The following HECW2 variants were observed in gnomAD, a reference collection of about 807,000 sequenced individuals.
HECW2 encodes the protein HECT, C2 and WW domain containing E3 ubiquitin protein ligase 2.
In HECW2, 61 loss-of-function variants were observed where a neutral mutation model predicts 175.2. That is an observed-to-expected ratio of 0.35 (90% CI 0.28 to 0.43). The LOEUF is 0.43. Among genes scored for constraint, HECW2 ranks in the 20% least tolerant of loss-of-function variants. HECW2 has a pLI of 1.00. For missense variants in HECW2, 1,524 were observed against 2,000.5 expected, an observed-to-expected ratio of 0.76 and a Z score of 4.54; for synonymous variants, 671 against 731.0, an observed-to-expected ratio of 0.92 and a Z score of 1.32.
intron 1 of HECW2, among the ~76,000 whole-genome samples, chr2:196,505,286 C>A (rs571058282): frequency 6.6e-6 from 1 of 152,210 alleles, no homozygotes; most frequent in Admixed American, 6.5e-5. Flanking sequence ...CGCTTGTAAT[C>A]CCAGCACTTT....
chr2:196,326,476 G>A (rs1037243025), intron 5 of HECW2, among the ~76,000 whole-genome samples: 4 of 149,850 alleles, frequency 2.7e-5, no homozygotes, highest in African/African-American at 7.4e-5. Context: ...ACAGAGTCTC[G>A]TTGTGTCGCC....
Position 196,319,410 on chromosome 2 carries a change from C to T in HECW2, c.1480G>A (p.Ala494Thr), listed in dbSNP as rs760615189. The stretch of plus-strand genomic sequence containing the variant: ...AGGCTTCCATCATCAGCTCTGGATG[C>T]CCTGCTAAACATGATCAGGCCTCCC... ...EEGGLIMFSR[A>T]SRADDGSLTS... The change falls in exon 9 of 29, where the codon GCA (alanine) becomes ACA (threonine). Residue 494 changes from alanine (A) to threonine (T), a missense_variant. Coordinates refer to ENST00000644978, the MANE Select transcript of HECW2 (RefSeq NM_001348768.2). The T allele has an allele frequency of 1.6e-5, 26 of 1,613,756 alleles. No homozygotes were observed. Among genetic ancestry groups the T allele is most frequent in the Non-Finnish European group, 2.1e-5 (25 of 1,179,864 alleles).
At chr2:196,265,050 G>T (rs1015345381) in intron 17 of HECW2, among the ~76,000 whole-genome samples, 1 of 152,222 alleles carries the variant, frequency 6.6e-6, no homozygotes, top group Non-Finnish European at 1.5e-5. Context: ...CCTTGAGCCA[G>T]AAGGCTCAGT....
chr2:196,354,862 A>G (rs1003186127), intron 2 of HECW2, among the ~76,000 whole-genome samples: 6 of 152,212 alleles, frequency 3.9e-5, no homozygotes, highest in African/African-American at 1.4e-4. Flanking sequence ...CAAAGCACAA[A>G]AAAGATTAAG....
chr2:196,461,684 A>G (rs1696750570), intron 1 of HECW2, among the ~76,000 whole-genome samples: 1 of 152,118 alleles, frequency 6.6e-6, no homozygotes, highest in African/African-American at 2.4e-5. Context: ...GAAGCAAGGC[A>G]CCTTCTTCAC....
chr2:196,418,895 C>G (rs1325808075), intron 2 of HECW2, among the ~76,000 whole-genome samples: 2 of 152,112 alleles, frequency 1.3e-5, no homozygotes, highest in Non-Finnish European at 2.9e-5. Context: ...CATTGTTAAA[C>G]AAACAGATGA....
At chr2:196,382,047 T>G (rs1176751187) in intron 2 of HECW2, among the ~76,000 whole-genome samples, 1 of 152,150 alleles carries the variant, frequency 6.6e-6, no homozygotes, top group African/African-American at 2.4e-5. Context: ...TGGGACTCTT[T>G]CTATGTTCTG....
chr2:196,578,910 T>C (rs573064627), intron 1 of HECW2, among the ~76,000 whole-genome samples: 6 of 150,928 alleles, frequency 4.0e-5, no homozygotes, highest in Non-Finnish European at 5.9e-5. Context: ...CACACAGAAA[T>C]AGAGTATTGG....
chr2:196,537,894 C>T (rs1351295397), intron 1 of HECW2, among the ~76,000 whole-genome samples: 1 of 152,144 alleles, frequency 6.6e-6, no homozygotes, highest in Non-Finnish European at 1.5e-5. Context: ...CCCATATATA[C>T]CAGCATTGTA....
intron 28 of HECW2, among the ~76,000 whole-genome samples, chr2:196,212,477 A>G (rs534153805): frequency 6.6e-5 from 10 of 152,254 alleles, no homozygotes; most frequent in African/African-American, 2.2e-4. Context: ...TTAGTTTGCT[A>G]AGGATAATGG....
chr2:196,406,318 A>C (rs1302960081), intron 2 of HECW2, among the ~76,000 whole-genome samples: 1 of 152,166 alleles, frequency 6.6e-6, no homozygotes, highest in Non-Finnish European at 1.5e-5. Flanking sequence ...CTGGCCAACA[A>C]TCAAGGAACC....
intron 1 of HECW2, among the ~76,000 whole-genome samples, chr2:196,519,966 A>C (rs542904437): frequency 6.6e-6 from 1 of 152,338 alleles, no homozygotes; most frequent in South Asian, 2.1e-4. Flanking sequence ...TATTAGAGAT[A>C]AGTTTTCATT....
Position 196,487,962 on chromosome 2 carries a change from G to A in HECW2, c.-35-54504C>T, listed in dbSNP as rs145238537. ...AACAAACCTTAGTTAAAAATAACAA[G>A]AATAAAGCAAAGCTCTAGAACTACA... On this transcript the variant is annotated intron_variant, in intron 1 of 28. Coordinates refer to ENST00000644978, the MANE Select transcript of HECW2 (RefSeq NM_001348768.2). Among the ~76,000 whole-genome samples, 402 of 152,226 alleles carry A rather than the reference G, an allele frequency of 2.6e-3. 3 individuals are homozygous for A. Among genetic ancestry groups the A allele is most frequent in the African/African-American group, 9.1e-3 (380 of 41,550 alleles).
chr2:196,220,911 C>T lies in HECW2; in HGVS notation c.4177G>A (p.Ala1393Thr). ...TTCTTCTCTGTAACTGGGATATTGG[C>T]ACCCCCTGGCTTTAATTCTCGTTCA... ...ITERELKPGG[A>T]NIPVTEKNKK... Residue 1393 changes from alanine (A) to threonine (T), a missense_variant, in exon 25 of 29, where the codon GCC (alanine) becomes ACC (threonine). Around this residue, in one of 11 missense-constraint regions of HECW2, gnomAD observed 134 missense variants for 287.8 expected, o/e 0.47. Coordinates refer to ENST00000644978, the MANE Select transcript of HECW2 (RefSeq NM_001348768.2). 1 of 1,614,082 alleles carries T rather than the reference C, an allele frequency of 6.2e-7. No individual in the cohort carries two copies. The highest frequency in any genetic ancestry group is 8.5e-7 in the Non-Finnish European group (1 of 1,179,982).
At chr2:196,263,413 A>C (rs1482114202) in intron 17 of HECW2, 1 of 152,254 alleles carries the variant, frequency 6.6e-6, no homozygotes, top group African/African-American at 2.4e-5. Context: ...GTTCGGAGAC[A>C]ACCAGAAGCA....
At chr2:196,431,497 C>T (rs1260566432) in intron 2 of HECW2, among the ~76,000 whole-genome samples, 1 of 152,090 alleles carries the variant, frequency 6.6e-6, no homozygotes, top group African/African-American at 2.4e-5. Flanking sequence ...ATTTTTTAAA[C>T]TACAATTTGG....
chr2:196,583,592 A>T (rs935465358), intron 1 of HECW2, among the ~76,000 whole-genome samples: 2 of 152,234 alleles, frequency 1.3e-5, no homozygotes, highest in Non-Finnish European at 2.9e-5. Context: ...ACGAAGGAAG[A>T]AAGTTCTGAG....
At chr2:196,418,932 T>C (rs2125242287) in intron 2 of HECW2, among the ~76,000 whole-genome samples, 1 of 152,334 alleles carries the variant, frequency 6.6e-6, no homozygotes, top group South Asian at 2.1e-4. Context: ...TTCTGTTCAA[T>C]AAAATCATTA....
At chr2:196,372,086 T>C (rs1365520873) in intron 2 of HECW2, among the ~76,000 whole-genome samples, 1 of 152,198 alleles carries the variant, frequency 6.6e-6, no homozygotes, top group Non-Finnish European at 1.5e-5. Context: ...CTGTACCCTA[T>C]CTGTGCATTT....
Sources: allele counts gnomAD v4.1 joint callset (sites outside exome capture counted in the v4.1 genomes callset), GRCh38; gene constraint gnomAD v4.1.1; regional missense constraint gnomAD v4.1.1; transcripts MANE v1.5; gene names NCBI Gene and HGNC (gene_info 2026-07-23, HGNC 2026-07-21).